The following YME1L1 variants were observed in gnomAD, a reference collection of about 807,000 sequenced individuals.
YME1L1 encodes YME1 like 1 ATPase.
A neutral mutation model predicts 90.4 loss-of-function variants in YME1L1; 39 were observed. That is an observed-to-expected ratio of 0.43 (90% CI 0.33 to 0.56). The LOEUF (loss-of-function observed/expected upper bound fraction) is 0.56, where lower values mean the gene tolerates loss of function less well. YME1L1 is among the 20% of genes least tolerant of loss of function. The pLI is 0.03. For missense variants in YME1L1, 617 were observed against 868.4 expected (o/e 0.71, Z 3.64); for synonymous variants, 284 against 287.3 (o/e 0.99, Z 0.12).
rs2056748912 is a variant in YME1L1, at chr10:27,110,511, G to A, written c.*1466C>T. On this transcript the variant is annotated 3_prime_UTR_variant, in exon 19 of 19. Coordinates refer to ENST00000376016, the MANE Select transcript of YME1L1 (RefSeq NM_014263.4). ...TCAACGTCAAGAATATAATCTGGTT[G>A]TAATACCAATACAATGTGTTCTAAA... 1 of 152,108 alleles carries A rather than the reference G, an allele frequency of 6.6e-6. No individual in the cohort carries two copies. The highest frequency in any genetic ancestry group is 2.1e-4 in the South Asian group (1 of 4,828). The allele number at this position is 152,108 out of a possible 1,614,324, so 9.4% of individuals were successfully genotyped here.
chr10:27,129,085 CAAAAAAAAAAAAA>C (rs71523559), intron 8 of YME1L1, among the ~76,000 whole-genome samples: 3 of 48,508 alleles, frequency 6.2e-5, no homozygotes, highest in Non-Finnish European at 1.1e-4. Context: ...GACCCTGTCT[CAAAAAAAAAAAAA>C]AAAAAAAAAA....
chr10:27,132,839 A>G (rs780024970), intron 7 of YME1L1, among the ~76,000 whole-genome samples: 1 of 152,180 alleles, frequency 6.6e-6, no homozygotes, highest in African/African-American at 2.4e-5. Context: ...AAATGAAATA[A>G]AATAAAAAAA....
chr10:27,120,310 A>G (rs1396076209), intron 13 of YME1L1, 125 bp downstream of exon 13: 4 of 516,208 alleles, frequency 7.7e-6, no homozygotes, highest in African/African-American at 4.0e-5. Context: ...ATACTAATGG[A>G]AAAAAAAAAG....
At chr10:27,129,057 G>A (rs956524757) in intron 8 of YME1L1, among the ~76,000 whole-genome samples, 2 of 119,368 alleles carry the variant, frequency 1.7e-5, no homozygotes, top group East Asian at 5.5e-4. Context: ...CTGCACTCCA[G>A]CCTGGGCAAG....
At chr10:27,114,983 C>T (rs754071869) in intron 17 of YME1L1, among the ~76,000 whole-genome samples, 4 of 152,160 alleles carry the variant, frequency 2.6e-5, no homozygotes, top group South Asian at 2.1e-4. Context: ...GCTGACATTG[C>T]GCCACTGCAC....
rs1242292085 is a variant in YME1L1, at chr10:27,154,291, CCTT to C, written c.-84_-82del. 11 of 1,507,164 alleles carry C rather than the reference CCTT, an allele frequency of 7.3e-6. No homozygotes were observed. Among genetic ancestry groups the C allele is most frequent in the African/African-American group, 5.6e-5 (4 of 71,280 alleles). The allele number at this position is 1,507,164 out of a possible 1,614,324, so 93.4% of individuals were successfully genotyped here. ...ACGGCCCGGCGGGGAGGCGCTGAGCCCTTCTTTTTTCCTTTTTCTCCGACCCGT... is the reference window on the plus strand; with the variant it reads ...ACGGCCCGGCGGGGAGGCGCTGAGCCCTTTTTTCCTTTTTCTCCGACCCGT... On this transcript the variant is annotated 5_prime_UTR_variant, in exon 1 of 19. Coordinates refer to ENST00000376016, the MANE Select transcript of YME1L1 (RefSeq NM_014263.4).
chr10:27,115,373 G>A (rs1232344537), intron 17 of YME1L1, among the ~76,000 whole-genome samples: 1 of 150,474 alleles, frequency 6.6e-6, no homozygotes, highest in Non-Finnish European at 1.5e-5. Flanking sequence ...CCAGGGTAGA[G>A]TGCAGTGGAC....
Position 27,114,621 on chromosome 10 carries a change from G to T in YME1L1, c.1921-14C>A. The T allele has an allele frequency of 1.2e-6, 2 of 1,602,846 alleles. No homozygotes were observed. Among genetic ancestry groups the T allele is most frequent in the Non-Finnish European group, 1.7e-6 (2 of 1,174,324 alleles). On this transcript the variant is annotated splice_polypyrimidine_tract_variant and intron_variant, in intron 17 of 18. Transcript: ENST00000376016. ...CATAACTCCAAGCTAAAACCAAAAG[G>T]AAGAAAGTAATTGAACAGAAAACCC...
chr10:27,114,691 A>ATATAT, intron 17 of YME1L1, 84 bp from the exon 18 acceptor site: 1 of 977,032 alleles, frequency 1.0e-6, no homozygotes, highest in Non-Finnish European at 1.5e-6. Context: ...TCCTATATAT[A>ATATAT]AGGAAACAAA....
chr10:27,123,087 T>C (rs1027047347), intron 10 of YME1L1, 114 bp from the exon 11 acceptor site: 22 of 1,324,064 alleles, frequency 1.7e-5, no homozygotes, highest in Non-Finnish European at 2.3e-5. Flanking sequence ...AAATATTCAC[T>C]GAAAGAAAAG....
At chr10:27,133,959 A>T in intron 7 of YME1L1, 80 bp downstream of exon 7, 1 of 963,912 alleles carries the variant, frequency 1.0e-6, no homozygotes, top group Non-Finnish European at 1.6e-6. Context: ...TTCTTTCTTT[A>T]AGGGTTAGAT....
chr10:27,135,334 G>A (rs189063459), intron 5 of YME1L1, among the ~76,000 whole-genome samples: 5 of 152,102 alleles, frequency 3.3e-5, no homozygotes, highest in Non-Finnish European at 7.4e-5. Context: ...ACTAAGCACC[G>A]TTCATATACT....
chr10:27,111,359 A>AT lies in YME1L1; in HGVS notation c.*617dup, dbSNP rs764986203. 1 of 155,262 alleles carries AT rather than the reference A, an allele frequency of 6.4e-6. No homozygotes were observed. The highest frequency in any genetic ancestry group is 1.4e-5 in the Non-Finnish European group (1 of 70,254). 9.6% of individuals were successfully genotyped at this position (155,262 alleles called of 1,614,324 possible). A position where few individuals can be genotyped will look rare whatever the true frequency, so the allele number is the denominator to read the frequency against. On this transcript the variant is annotated 3_prime_UTR_variant, in exon 19 of 19. Transcript: ENST00000376016. Reference sequence around the variant, plus strand: ...GGCGTGAGCAACCGCGCCCAGCCCTATTTTTTTGTATTTTAGTAGAGACAG... The same window carrying AT: ...GGCGTGAGCAACCGCGCCCAGCCCTATTTTTTTTGTATTTTAGTAGAGACAG...
chr10:27,118,893 G>A (rs904002487), intron 14 of YME1L1, among the ~76,000 whole-genome samples: 10 of 152,082 alleles, frequency 6.6e-5, no homozygotes, highest in Non-Finnish European at 1.3e-4. Context: ...AATTACATAA[G>A]CAACTAGAAT....
Position 27,136,316 on chromosome 10 carries a change from C to A in YME1L1, c.500G>T (p.Arg167Ile). 6.2e-7 allele frequency: 1 copy of A among 1,613,766 alleles called. No homozygotes were observed. The highest frequency in any genetic ancestry group is 1.1e-5 in the South Asian group (1 of 91,060). The change falls in exon 5 of 19, where the codon AGA becomes ATA. Residue 167 changes from arginine (R) to isoleucine (I), a missense_variant. Transcript: ENST00000376016. The part of the protein sequence containing the change: ...RTRRLQSTSE[R>I]LAETQNIAPS... ...CGCTATATTCTGTGTTTCAGCTAAT[C>A]TCTCGGAGGTAGACTGGAGACGTCG...
intron 9 of YME1L1, 93 bp downstream of exon 9, chr10:27,126,603 C>A: frequency 1.6e-6 from 1 of 617,184 alleles, no homozygotes; most frequent in Non-Finnish European, 2.7e-6. Flanking sequence ...AAACTTTAAT[C>A]AGTTAAAATT....
rs924915467 is a variant in YME1L1 at position 27,111,379 on chromosome 10, A to T, written c.*598T>A. 1 of 157,786 alleles carries T rather than the reference A, an allele frequency of 6.3e-6. No homozygotes were observed. Among genetic ancestry groups the T allele is most frequent in the African/African-American group, 2.4e-5 (1 of 41,372 alleles). 9.8% of individuals were successfully genotyped at this position (157,786 alleles called of 1,614,324 possible). On this transcript the variant is annotated 3_prime_UTR_variant, in exon 19 of 19. Coordinates refer to ENST00000376016, the MANE Select transcript of YME1L1 (RefSeq NM_014263.4). ...GCCCTATTTTTTTGTATTTTAGTAG[A>T]GACAGCGTTTCACCACGTTGGCCAG...
At position 27,136,329 on chromosome 10, in the gene YME1L1, A is replaced by C. The variant is rs752916576; in HGVS notation, c.487T>G (p.Ser163Ala). 2 of 1,614,044 alleles carry C rather than the reference A, an allele frequency of 1.2e-6. No homozygotes were observed. Among genetic ancestry groups the C allele is most frequent in the South Asian group, 2.2e-5 (2 of 91,068 alleles). Reference sequence around the variant, plus strand: ...GTTTCAGCTAATCTCTCGGAGGTAGACTGGAGACGTCGTGTCCTTGATTTC... The same window carrying C: ...GTTTCAGCTAATCTCTCGGAGGTAGCCTGGAGACGTCGTGTCCTTGATTTC... ...TLKSRTRRLQ[S>A]TSERLAETQN... The change falls in exon 5 of 19, where the codon TCT becomes GCT. Residue 163 changes from serine (S) to alanine (A), a missense_variant. Physicochemically the swap from Ser to Ala is moderately conservative, Grantham distance 99 (BLOSUM62 1). This residue lies in a region of YME1L1 where 311 missense variants were observed against 335.8 expected (regional missense o/e 0.93). Transcript: ENST00000376016.
intron 1 of YME1L1, among the ~76,000 whole-genome samples, chr10:27,152,408 C>T (rs931700416): frequency 6.6e-6 from 1 of 152,144 alleles, no homozygotes; most frequent in Non-Finnish European, 1.5e-5. Context: ...TCCTTCAAAG[C>T]AAGAAATGCC....
Sources: allele counts gnomAD v4.1 joint callset (sites outside exome capture counted in the v4.1 genomes callset), GRCh38; gene constraint gnomAD v4.1.1; regional missense constraint gnomAD v4.1.1; transcripts MANE v1.5; gene names NCBI Gene and HGNC (gene_info 2026-07-23, HGNC 2026-07-21).